The following FAM216A variants were observed in gnomAD, a reference collection of about 807,000 sequenced individuals.
The protein encoded by FAM216A is family with sequence similarity 216 member A, also known as protein FAM216A.
Under a neutral mutation model 37.6 loss-of-function variants are expected in FAM216A, and 26 were observed. The observed-to-expected ratio is 0.69, with a 90% confidence interval of 0.51 to 0.96. The LOEUF is 0.96. FAM216A is among the 40% of genes least tolerant of loss of function. The pLI, the probability that FAM216A is intolerant of heterozygous loss-of-function variation, is 0.00. For synonymous variants in FAM216A, 110 were observed against 121.7 expected (o/e 0.90, Z 0.64); for missense variants, 326 against 339.3 (o/e 0.96, Z 0.31).
intron 3 of FAM216A, among the ~76,000 whole-genome samples, chr12:110,485,703 G>A (rs191933352): frequency 1.1e-4 from 16 of 152,318 alleles, no homozygotes; most frequent in Admixed American, 1.0e-3. Flanking sequence ...CTAGAGCAAT[G>A]TGAATTAGGG....
chr12:110,468,948 T>G lies in FAM216A; in HGVS notation c.73T>G (p.Ser25Ala), dbSNP rs1006591406. Reference protein sequence around the residue: ...AAEMPGQGPGSDWTERSSSAE... With the variant: ...AAEMPGQGPGADWTERSSSAE... ...GGAGATGCCCGGCCAGGGTCCGGGG[T>G]CCGACTGGACGGAGCGTAGCTCTTC... is the stretch of plus-strand genomic sequence containing the variant. Residue 25 changes from serine to alanine, a missense_variant, in exon 1 of 7, where the codon TCC becomes GCC. Coordinates refer to ENST00000377673, the MANE Select transcript of FAM216A (RefSeq NM_013300.3). The G allele has an allele frequency of 3.3e-6, 5 of 1,524,752 alleles. No homozygotes were observed. In the African/African-American group the frequency reaches 6.9e-5, roughly 21 times the overall value. The allele number at this position is 1,524,752 out of a possible 1,614,324, so 94.5% of individuals were successfully genotyped here.
At chr12:110,476,826 C>T (rs963322391) in intron 2 of FAM216A, among the ~76,000 whole-genome samples, 3 of 152,032 alleles carry the variant, frequency 2.0e-5, no homozygotes, top group South Asian at 2.1e-4. Context: ...CGCGCCCGGC[C>T]GACATTGATA....
chr12:110,468,567 C>T, upstream of FAM216A: 4 of 1,537,302 alleles, frequency 2.6e-6, no homozygotes, highest in Non-Finnish European at 3.5e-6. Context: ...TATGGTGACC[C>T]TCGCGATTTG....
chr12:110,486,665 C>T lies in FAM216A; in HGVS notation c.568C>T (p.Pro190Ser). ...GSSDIAAASA[P>S]EMLIQHSLWR... ...TTCTGATATCGCAGCTGCATCTGCA[C>T]CTGAAATGCTCATACAGCATTCCCT... Residue 190 changes from proline to serine, a missense_variant, in exon 5 of 7, where the codon CCT (proline) becomes TCT (serine). Transcript: ENST00000377673. The T allele has an allele frequency of 6.2e-7, 1 of 1,614,108 alleles. No individual in the cohort carries two copies. The highest frequency in any genetic ancestry group is 1.3e-5 in the African/African-American group (1 of 75,030).
At chr12:110,472,969 C>T in intron 1 of FAM216A, 109 bp from the exon 2 acceptor site, 1 of 368,086 alleles carries the variant, frequency 2.7e-6, no homozygotes, top group Non-Finnish European at 4.6e-6. Flanking sequence ...AAGTGAGACC[C>T]TGTCTCAAAA....
In FAM216A at chr12:110,486,413, G is replaced by C; in HGVS notation, c.395G>C (p.Arg132Thr). 6.2e-7 allele frequency: 1 copy of C among 1,613,966 alleles called. No individual in the cohort carries two copies. Among genetic ancestry groups the C allele is most frequent in the African/African-American group, 1.3e-5 (1 of 75,048 alleles). Residue 132 changes from arginine (R) to threonine (T), a missense_variant, in exon 4 of 7, where the codon AGG (arginine) becomes ACG (threonine). Transcript: ENST00000377673. Reference sequence around the variant, plus strand: ...AACTATCTGAAGATGTTAATGAAGAGGCAGTACATGCACGTACTTCAGCAC... The same window carrying C: ...AACTATCTGAAGATGTTAATGAAGACGCAGTACATGCACGTACTTCAGCAC... ...NANYLKMLMK[R>T]QYMHVLQHSS...
Position 110,482,687 on chromosome 12 carries a change from C to T in FAM216A, c.185-2391C>T, listed in dbSNP as rs907452518. On this transcript the variant is annotated intron_variant, in intron 2 of 6. Transcript: ENST00000377673. ...GCGGGCGCCTGTAGTCCCAGCTACT[C>T]GGGAGGCTGAGGCAGGAGAATGGCA... Among the ~76,000 whole-genome samples the T allele has an allele frequency of 4.7e-5, 7 of 149,440 alleles. No homozygotes were observed. In the South Asian group the frequency reaches 8.5e-4, roughly 18 times the overall value.
At chr12:110,484,199 C>T (rs370767826) in intron 2 of FAM216A, among the ~76,000 whole-genome samples, 37 of 151,838 alleles carry the variant, frequency 2.4e-4, no homozygotes, top group African/African-American at 7.0e-4. Flanking sequence ...GAGGCTGAGG[C>T]GGAGGATCAT....
At chr12:110,482,656 G>A (rs1193751152) in intron 2 of FAM216A, among the ~76,000 whole-genome samples, 3 of 151,104 alleles carry the variant, frequency 2.0e-5, no homozygotes, top group African/African-American at 7.3e-5. Flanking sequence ...TTAGCCGGGC[G>A]CAGTGGCGGG....
intron 1 of FAM216A, among the ~76,000 whole-genome samples, chr12:110,469,555 G>A (rs2135537046): frequency 6.6e-6 from 1 of 152,014 alleles, no homozygotes; most frequent in South Asian, 2.1e-4. Flanking sequence ...TGTTGCCTAG[G>A]CTGGAATGCG....
At chr12:110,478,808 C>A (rs1397010232) in intron 2 of FAM216A, among the ~76,000 whole-genome samples, 1 of 152,030 alleles carries the variant, frequency 6.6e-6, no homozygotes, top group Non-Finnish European at 1.5e-5. Flanking sequence ...AACTATGAGT[C>A]AATACGTGAG....
At chr12:110,488,208 G>A (rs1410630566) in intron 6 of FAM216A, among the ~76,000 whole-genome samples, 1 of 152,030 alleles carries the variant, frequency 6.6e-6, no homozygotes, top group Non-Finnish European at 1.5e-5. Context: ...TCAAGAGTTC[G>A]AGACCCGCCT....
chr12:110,471,065 A>C (rs549645812), intron 1 of FAM216A, among the ~76,000 whole-genome samples: 1 of 152,088 alleles, frequency 6.6e-6, no homozygotes, highest in African/African-American at 2.4e-5. Context: ...TCCCATTATT[A>C]ACTAATGGGA....
intron 1 of FAM216A, among the ~76,000 whole-genome samples, chr12:110,470,127 C>T (rs541428818): frequency 7.3e-5 from 11 of 150,328 alleles, no homozygotes; most frequent in South Asian, 6.3e-4. Context: ...GAGACAGAGT[C>T]TCGTTCTGTT....
At chr12:110,486,951 TCTCA>T in intron 5 of FAM216A, 1 of 460,204 alleles carries the variant, frequency 2.2e-6, no homozygotes, top group Non-Finnish European at 3.9e-6. Flanking sequence ...ACAGAAAGCA[TCTCA>T]CTATGTTGGC....
chr12:110,473,202 G>T, intron 2 of FAM216A, 84 bp downstream of exon 2: 1 of 705,780 alleles, frequency 1.4e-6, no homozygotes, highest in East Asian at 3.0e-5. Flanking sequence ...TTACACAATA[G>T]AGTTTTTTTC....
In FAM216A at chr12:110,486,716, G is replaced by A. The variant is rs1293587985; in HGVS notation, c.619G>A (p.Gly207Arg). 5.0e-6 allele frequency: 8 copies of A among 1,611,818 alleles called. No individual in the cohort carries two copies. Among genetic ancestry groups the A allele is most frequent in the Non-Finnish European group, 6.8e-6 (8 of 1,179,120 alleles). Residue 207 changes from glycine to arginine, a missense_variant and splice_region_variant, in exon 5 of 7, where the codon GGG (glycine) becomes AGG (arginine). Physicochemically the swap from Gly to Arg is moderately radical, Grantham distance 125. Coordinates refer to ENST00000377673, the MANE Select transcript of FAM216A (RefSeq NM_013300.3). ...TTGGCGGCCAGTGAGAAACAAAGAA[G>A]GGTCTGTTTCTTAGTGTAAAAGGGG... The part of the protein sequence containing the change: ...SLWRPVRNKE[G>R]IKTGYASKTR...
intron 2 of FAM216A, among the ~76,000 whole-genome samples, chr12:110,474,820 A>T (rs1838757762): frequency 6.6e-6 from 1 of 151,654 alleles, no homozygotes; most frequent in South Asian, 2.1e-4. Context: ...TGACCAACAT[A>T]GAGAAACCCC....
intron 2 of FAM216A, 80 bp from the exon 3 acceptor site, chr12:110,484,998 C>G: frequency 6.9e-7 from 1 of 1,455,640 alleles, no homozygotes; most frequent in South Asian, 1.3e-5. Flanking sequence ...CCACACCCGG[C>G]CTAAATATCT....
Sources: allele counts gnomAD v4.1 joint callset (sites outside exome capture counted in the v4.1 genomes callset), GRCh38; gene constraint gnomAD v4.1.1; transcripts MANE v1.5; gene names NCBI Gene and HGNC (gene_info 2026-07-23, HGNC 2026-07-21).